NBN: variants seen among roughly 807,000 people sequenced by gnomAD.
The protein encoded by NBN is Nijmegen breakage syndrome 1 (nibrin).
Under a neutral mutation model 90.8 loss-of-function variants are expected in NBN, and 88 were observed. That is an observed-to-expected ratio of 0.97 (90% confidence interval 0.82 to 1.16). The LOEUF (loss-of-function observed/expected upper bound fraction) is 1.16. Among genes scored for constraint, NBN ranks in the 50% most tolerant of loss-of-function variants. The probability of loss-of-function intolerance (pLI) is 0.00; values close to 1 mark genes in which losing one functional copy is unlikely to be tolerated. For synonymous variants in NBN, 328 were observed against 295.1 expected, an observed-to-expected ratio of 1.11 and a Z score of -1.14; for missense variants, 894 against 869.6, an observed-to-expected ratio of 1.03 and a Z score of -0.35.
Position 89,964,480 on chromosome 8 carries a change from T to C in NBN, c.924A>G (p.Ala308=), listed in dbSNP as rs1554562173. The C allele has an allele frequency of 6.2e-7, 1 of 1,609,446 alleles. No homozygotes were observed. The highest frequency in any genetic ancestry group is 1.3e-5 in the African/African-American group (1 of 74,922). The change falls in exon 8 of 16, where the codon GCA becomes GCG. Residue 308 remains alanine (A), a synonymous_variant. Coordinates refer to ENST00000265433, the MANE Select transcript of NBN (RefSeq NM_002485.5). ...QRQGLRPIPE[A]EIGLAVIFMT... is the part of the protein sequence containing the mutation. ...TGAAAATCACCGCCAATCCAATTTC[T>C]GCTTCAGGAATAGGTCTAAGACCTT...
At chr8:89,938,525 C>CTATTATACTATTATAATAG (rs1809793776) in intron 14 of NBN, among the ~76,000 whole-genome samples, 1 of 151,832 alleles carries the variant, frequency 6.6e-6, no homozygotes, top group Non-Finnish European at 1.5e-5. Context: ...AACTTCATTA[C>CTATTATACTATTATAATAG]TATTATACTA....
intron 12 of NBN, among the ~76,000 whole-genome samples, chr8:89,947,322 A>G (rs532958693): frequency 6.6e-6 from 1 of 152,292 alleles, no homozygotes; most frequent in South Asian, 2.1e-4. Context: ...TTTTCACTGC[A>G]TCATGGTTAT....
At chr8:89,952,491 T>C (rs558764173) in intron 11 of NBN, among the ~76,000 whole-genome samples, 4 of 152,314 alleles carry the variant, frequency 2.6e-5, no homozygotes, top group South Asian at 2.1e-4. Context: ...ATAGTAGTTG[T>C]AGATTTATAA....
intron 7 of NBN, among the ~76,000 whole-genome samples, chr8:89,967,268 TC>T (rs1811299579): frequency 6.6e-6 from 1 of 152,162 alleles, no homozygotes; most frequent in African/African-American, 2.4e-5. Context: ...TGGAATAGTG[TC>T]CTATCCAAGG....
rs35213399 is a variant in NBN at position 89,962,852 on chromosome 8, C to T, written c.994+1558G>A. Among the ~76,000 whole-genome samples, 75 of 152,238 alleles carry T rather than the reference C, an allele frequency of 4.9e-4. No homozygotes were observed. The East Asian group carries it at 0.012, about 24-fold the overall frequency. On this transcript the variant is annotated intron_variant, in intron 8 of 15. Transcript: ENST00000265433. The stretch of plus-strand genomic sequence containing the variant: ...GATGTCTATGCTTTTGCATCAGCTC[C>T]CAATCATCCCTACACCACCATTTCT...
intron 11 of NBN, among the ~76,000 whole-genome samples, chr8:89,948,674 G>A (rs544241219): frequency 6.6e-6 from 1 of 152,068 alleles, no homozygotes; most frequent in Non-Finnish European, 1.5e-5. Context: ...AGTTGGAAAC[G>A]GCAGAAAAAC....
intron 7 of NBN, among the ~76,000 whole-genome samples, chr8:89,968,893 TGTA>T (rs920995285): frequency 5.8e-4 from 88 of 152,366 alleles, no homozygotes; most frequent in African/African-American, 2.0e-3. Context: ...AAATTTGTGT[TGTA>T]GTAATAAGAT....
chr8:89,953,782 T>A, intron 10 of NBN, 91 bp from the exon 11 acceptor site: 3 of 944,330 alleles, frequency 3.2e-6, no homozygotes, highest in Non-Finnish European at 3.2e-6. Context: ...ACTCCCTCCA[T>A]TTAGTTCACA....
intron 4 of NBN, among the ~76,000 whole-genome samples, chr8:89,979,030 T>A (rs1361234528): frequency 6.6e-6 from 1 of 152,258 alleles, no homozygotes; most frequent in Non-Finnish European, 1.5e-5. Context: ...CAGGCTGGAC[T>A]GCAGTGGCGT....
chr8:89,945,455 C>T (rs1313554031), intron 13 of NBN, among the ~76,000 whole-genome samples: 2 of 152,060 alleles, frequency 1.3e-5, no homozygotes, highest in East Asian at 3.9e-4. Flanking sequence ...TCTCTACTAC[C>T]TCACAGTCAT....
In NBN at chr8:89,982,789, A is replaced by G. The variant is rs587780773; in HGVS notation, c.104T>C (p.Ile35Thr). Residue 35 changes from isoleucine to threonine, a missense_variant, in exon 2 of 16, where the codon ATT becomes ACT. By Grantham distance (89) the Ile-to-Thr change is moderately conservative. Transcript: ENST00000265433. ...TCGGCTGATCGACTGATCATTTTCA[A>G]TCAGAATGGCACAGTTTTTCCTTCC... The part of the protein sequence containing the change: ...VVGRKNCAIL[I>T]ENDQSISRNH... 33 of 1,613,888 alleles carry G rather than the reference A, an allele frequency of 2.0e-5. No individual in the cohort carries two copies. The East Asian group carries it at 4.0e-4, about 20-fold the overall frequency.
chr8:89,955,915 A>T (rs1326732771), intron 9 of NBN, among the ~76,000 whole-genome samples: 1 of 151,902 alleles, frequency 6.6e-6, no homozygotes, highest in African/African-American at 2.4e-5. Context: ...CCCACGTAAA[A>T]TCACTATTAT....
intron 7 of NBN, among the ~76,000 whole-genome samples, chr8:89,968,291 C>T (rs2129813047): frequency 6.6e-6 from 1 of 152,184 alleles, no homozygotes; most frequent in African/African-American, 2.4e-5. Context: ...CATATTGTAA[C>T]AGGGGCCAAG....
At chr8:89,939,402 T>C (rs1004736000) in intron 14 of NBN, among the ~76,000 whole-genome samples, 65 of 151,370 alleles carry the variant, frequency 4.3e-4, no homozygotes, top group Non-Finnish European at 7.1e-4. Context: ...GGTGAAATCA[T>C]CTAGAACACA....
chr8:89,964,426 C>T lies in NBN; in HGVS notation c.978G>A (p.Gln326=), dbSNP rs757936747. ...FMTTKNYCDP[Q]GHPSTGLKTT... is the part of the protein sequence containing the mutation. ...TTCAATTACCTGTACTGGGATGGCCCTGAGGATCACAGTAATTCTTTGTAG... is the reference window on the plus strand; with the variant it reads ...TTCAATTACCTGTACTGGGATGGCCTTGAGGATCACAGTAATTCTTTGTAG... Residue 326 remains glutamine, a synonymous_variant, in exon 8 of 16, where the codon CAG becomes CAA. Coordinates refer to ENST00000265433, the MANE Select transcript of NBN (RefSeq NM_002485.5). 6 of 1,613,678 alleles carry T rather than the reference C, an allele frequency of 3.7e-6. No individual in the cohort carries two copies.
chr8:89,980,815 C>T lies in NBN; in HGVS notation c.399G>A (p.Leu133=), dbSNP rs2129909551. The part of the protein sequence containing the change: ...SGKTALNQAI[L]QLGGFTVNNW... ...TGTTTACAGTAAATCCTCCAAGTTG[C>T]AATATAGCTTGATTTAAAGCAGTTT... Residue 133 remains leucine, a synonymous_variant, in exon 4 of 16, where the codon TTG becomes TTA. Transcript: ENST00000265433. 2 of 1,613,000 alleles carry T rather than the reference C, an allele frequency of 1.2e-6. No homozygotes were observed. The highest frequency in any genetic ancestry group is 8.5e-7 in the Non-Finnish European group (1 of 1,179,240).
chr8:89,971,304 T>TA lies in NBN; in HGVS notation c.585-15dup. 2 of 1,600,274 alleles carry TA rather than the reference T, an allele frequency of 1.2e-6. No homozygotes were observed. Among genetic ancestry groups the TA allele is most frequent in the East Asian group, 2.3e-5 (1 of 44,390 alleles). On this transcript the variant is annotated splice_polypyrimidine_tract_variant and intron_variant, in intron 5 of 15. Coordinates refer to ENST00000265433, the MANE Select transcript of NBN (RefSeq NM_002485.5). ...GGTGGGTAAAAACTGTAAAAATAAT[T>TA]AAAGTATATTCTAATTATATACTAC...
At chr8:89,937,479 C>A in intron 14 of NBN, 1 of 203,572 alleles carries the variant, frequency 4.9e-6, no homozygotes. Context: ...AAAGAGGCTC[C>A]TGTGTTCTTG....
chr8:89,947,578 G>A (rs1316587269), intron 12 of NBN, among the ~76,000 whole-genome samples: 8 of 151,032 alleles, frequency 5.3e-5, no homozygotes, highest in Non-Finnish European at 7.4e-5. Flanking sequence ...GCGGTGAGCC[G>A]AGATCACACC....
Sources: gnomAD v4.1 joint callset for allele counts (sites outside exome capture counted in the v4.1 genomes callset) on GRCh38, gnomAD v4.1.1 for gene constraint, MANE v1.5 for transcripts, NCBI Gene and HGNC (gene_info 2026-07-23, HGNC 2026-07-21) for gene names.